Variants in KCNH7 observed in about 807,000 individuals in gnomAD.
KCNH7 encodes potassium voltage-gated channel subfamily H member 7.
KCNH7 carries 49 observed loss-of-function variants against 120.8 expected under a neutral mutation model. That is an observed-to-expected ratio of 0.41 (90% CI 0.32 to 0.51). KCNH7 has a LOEUF of 0.51. Ranked by LOEUF, KCNH7 falls within the 20% of genes least tolerant of loss-of-function variation. KCNH7 has a pLI of 0.38. For synonymous variants in KCNH7, 547 were observed against 516.1 expected, an observed-to-expected ratio of 1.06 and a Z score of -0.81; for missense variants, 1,097 against 1,446.6, an observed-to-expected ratio of 0.76 and a Z score of 3.92.
At chr2:162,676,594 T>C (rs1685537043) in intron 2 of KCNH7, among the ~76,000 whole-genome samples, 1 of 151,464 alleles carries the variant, frequency 6.6e-6, no homozygotes, top group South Asian at 2.1e-4. Flanking sequence ...GCACTTTCAA[T>C]TTCTATTTCA....
At chr2:162,771,461 C>T (rs1490388037) in intron 2 of KCNH7, among the ~76,000 whole-genome samples, 1 of 152,092 alleles carries the variant, frequency 6.6e-6, no homozygotes, top group Non-Finnish European at 1.5e-5. Flanking sequence ...TCAGTTTCCT[C>T]CCTCCATGTT....
intron 7 of KCNH7, among the ~76,000 whole-genome samples, chr2:162,443,222 A>G (rs1359979734): frequency 6.6e-6 from 1 of 152,162 alleles, no homozygotes; most frequent in Non-Finnish European, 1.5e-5. Context: ...TCTAACATTT[A>G]ATTTAATGGA....
chr2:162,748,986 CCTTCTTTCCT>C (rs1688448318), intron 2 of KCNH7, among the ~76,000 whole-genome samples: 1 of 125,256 alleles, frequency 8.0e-6, no homozygotes, highest in Non-Finnish European at 1.6e-5. Flanking sequence ...TTCCTTCCTT[CCTTCTTTCCT>C]CTCTTTTGCA....
intron 11 of KCNH7, 114 bp downstream of exon 11, chr2:162,396,626 G>A: frequency 2.7e-6 from 2 of 728,380 alleles, no homozygotes; most frequent in Non-Finnish European, 4.4e-6. Flanking sequence ...CAAATATTCA[G>A]AATTGGTAAA....
At chr2:162,677,160 A>G (rs1350076857) in intron 2 of KCNH7, among the ~76,000 whole-genome samples, 2 of 151,620 alleles carry the variant, frequency 1.3e-5, no homozygotes, top group East Asian at 3.9e-4. Context: ...GTAGCAGAAA[A>G]TATAGAGATT....
At chr2:162,689,876 A>G (rs1686039399) in intron 2 of KCNH7, among the ~76,000 whole-genome samples, 1 of 152,182 alleles carries the variant, frequency 6.6e-6, no homozygotes, top group Admixed American at 6.6e-5. Flanking sequence ...ATTACTGGGT[A>G]TATACCCAAA....
chr2:162,653,749 T>C (rs939113026), intron 2 of KCNH7, among the ~76,000 whole-genome samples: 14 of 152,124 alleles, frequency 9.2e-5, no homozygotes, highest in South Asian at 4.1e-4. Flanking sequence ...CTTCCAAATA[T>C]ACGGCAAAGC....
chr2:162,763,602 A>G (rs909488450), intron 2 of KCNH7, among the ~76,000 whole-genome samples: 5 of 151,998 alleles, frequency 3.3e-5, no homozygotes, highest in African/African-American at 4.8e-5. Flanking sequence ...AATTGCAGGG[A>G]GAGAAATGGG....
At chr2:162,658,117 C>T (rs1164518252) in intron 2 of KCNH7, among the ~76,000 whole-genome samples, 1 of 151,356 alleles carries the variant, frequency 6.6e-6, no homozygotes, top group African/African-American at 2.4e-5. Flanking sequence ...AGACGGCCAA[C>T]TATAAACCAG....
At chr2:162,719,385 C>A (rs1365350221) in intron 2 of KCNH7, among the ~76,000 whole-genome samples, 2 of 151,864 alleles carry the variant, frequency 1.3e-5, no homozygotes, top group Non-Finnish European at 2.9e-5. Flanking sequence ...TTTATTCTTG[C>A]TGAATGACAT....
intron 9 of KCNH7, among the ~76,000 whole-genome samples, chr2:162,419,846 T>C (rs1687648303): frequency 6.6e-6 from 1 of 152,124 alleles, no homozygotes; most frequent in African/African-American, 2.4e-5. Flanking sequence ...TTCATTACTG[T>C]GGTAGTGTTG....
At chr2:162,381,818 T>A (rs897772388) in intron 13 of KCNH7, among the ~76,000 whole-genome samples, 5 of 152,136 alleles carry the variant, frequency 3.3e-5, no homozygotes, top group Non-Finnish European at 7.4e-5. Context: ...ATCTGCAGAT[T>A]TTCACTGAGA....
In KCNH7 at chr2:162,716,967, C is replaced by T. The variant is rs192349127; in HGVS notation, c.307+119570G>A. 2.7e-3 allele frequency among the ~76,000 whole-genome samples: 409 copies of T among 152,156 alleles called. 2 individuals are homozygous for T. The highest frequency in any genetic ancestry group is 8.2e-3 in the African/African-American group (340 of 41,528). ...TGTGATTATAGAAAAAATCATTAAACGTTGCCTTTTTTATTATGATCTTGG... is the reference window on the plus strand; with the variant it reads ...TGTGATTATAGAAAAAATCATTAAATGTTGCCTTTTTTATTATGATCTTGG... On this transcript the variant is annotated intron_variant, in intron 2 of 15. Coordinates refer to ENST00000332142, the MANE Select transcript of KCNH7 (RefSeq NM_033272.4).
chr2:162,408,985 T>A (rs905022008), intron 9 of KCNH7, among the ~76,000 whole-genome samples: 3 of 151,840 alleles, frequency 2.0e-5, no homozygotes, highest in Non-Finnish European at 4.4e-5. Context: ...ATATGTATAC[T>A]CAATGCCTTC....
At chr2:162,415,585 C>T (rs1253043312) in intron 9 of KCNH7, among the ~76,000 whole-genome samples, 3 of 152,010 alleles carry the variant, frequency 2.0e-5, no homozygotes, top group African/African-American at 7.2e-5. Flanking sequence ...CCTAATGTTT[C>T]CTTTAACTTT....
chr2:162,373,189 AGGTT>A (rs1372530159), intron 15 of KCNH7, among the ~76,000 whole-genome samples: 33 of 152,278 alleles, frequency 2.2e-4, no homozygotes, highest in African/African-American at 7.7e-4. Flanking sequence ...AAATTTAAGC[AGGTT>A]GATTCTGGAA....
chr2:162,540,691 G>T (rs909630563), intron 2 of KCNH7, among the ~76,000 whole-genome samples: 18 of 152,034 alleles, frequency 1.2e-4, no homozygotes, highest in African/African-American at 3.4e-4. Flanking sequence ...GAAGCCACTG[G>T]GAAGAAGGCC....
At chr2:162,385,412 C>T (rs1310788986) in intron 12 of KCNH7, among the ~76,000 whole-genome samples, 1 of 151,910 alleles carries the variant, frequency 6.6e-6, no homozygotes, top group African/African-American at 2.4e-5. Context: ...TAGTAAAAGG[C>T]TGGCAGGCTG....
chr2:162,386,402 T>C (rs1480229547), intron 12 of KCNH7, among the ~76,000 whole-genome samples: 5 of 151,872 alleles, frequency 3.3e-5, no homozygotes, highest in Non-Finnish European at 7.4e-5. Context: ...TTTGAACATA[T>C]CATTTTATTC....
Sources: gnomAD v4.1 joint callset for allele counts (sites outside exome capture counted in the v4.1 genomes callset) on GRCh38, gnomAD v4.1.1 for gene constraint, MANE v1.5 for transcripts, NCBI Gene and HGNC (gene_info 2026-07-23, HGNC 2026-07-21) for gene names.